PIAS1: variants seen among roughly 807,000 people sequenced by gnomAD.
The protein encoded by PIAS1 is E3 SUMO-protein ligase PIAS1.
In PIAS1, 6 loss-of-function variants were observed where a neutral mutation model predicts 71.3. That is an observed-to-expected ratio of 0.08 (90% CI 0.05 to 0.17). The LOEUF is 0.17. PIAS1 is among the 10% of genes least tolerant of loss of function. The pLI is 1.00. For missense variants in PIAS1, 555 were observed against 793.6 expected (o/e 0.70, Z 3.61); for synonymous variants, 303 against 292.9 (o/e 1.03, Z -0.35).
chr15:68,079,044 CTTT>C (rs34874800), intron 1 of PIAS1, among the ~76,000 whole-genome samples: 51 of 143,368 alleles, frequency 3.6e-4, no homozygotes, highest in South Asian at 1.1e-3. Context: ...GTTAATCCCT[CTTT>C]TTTTTTTTTT....
chr15:68,090,925 C>T (rs932514306), intron 2 of PIAS1, among the ~76,000 whole-genome samples: 3 of 73,862 alleles, frequency 4.1e-5, no homozygotes, highest in African/African-American at 8.8e-5. Flanking sequence ...TAGTCATTTA[C>T]GGGTGTGTGT....
At chr15:68,158,075 A>G (rs764872507) in intron 7 of PIAS1, among the ~76,000 whole-genome samples, 1 of 152,294 alleles carries the variant, frequency 6.6e-6, no homozygotes, top group South Asian at 2.1e-4. Context: ...CAGATCTAAA[A>G]TCTTACCATT....
In PIAS1 at chr15:68,187,561, T is replaced by C; in HGVS notation, c.1682T>C (p.Leu561Pro). The change falls in exon 14 of 14, where the codon CTT becomes CCT. Residue 561 changes from leucine (L) to proline (P), a missense_variant. Coordinates refer to ENST00000249636, the MANE Select transcript of PIAS1 (RefSeq NM_016166.3). The surrounding 1 kb of genome is among the most constrained non-coding windows in gnomAD (Gnocchi z 5.3). ...CCCTAGCATTACAACACCTCCTTGC[T>C]TGCCGCTGCAGCAGCAGCAGTTTCA... Reference protein sequence around the residue: ...GDNQHYNTSLLAAAAAAVSDD... With the variant: ...GDNQHYNTSLPAAAAAAVSDD... The C allele has an allele frequency of 6.2e-7, 1 of 1,613,800 alleles. No homozygotes were observed. The highest frequency in any genetic ancestry group is 8.5e-7 in the Non-Finnish European group (1 of 1,179,672).
In PIAS1 at chr15:68,191,808, T is replaced by A. The variant is rs947259863; in HGVS notation, c.*3973T>A. The A allele has an allele frequency of 6.6e-6, 1 of 152,152 alleles. No homozygotes were observed. The highest frequency in any genetic ancestry group is 1.5e-5 in the Non-Finnish European group (1 of 68,034). The allele number at this position is 152,152 out of a possible 1,614,324, so 9.4% of individuals were successfully genotyped here. On this transcript the variant is annotated 3_prime_UTR_variant, in exon 14 of 14. Transcript: ENST00000249636. Reference sequence around the variant, plus strand: ...CTTGAAACCAGGACCAGGAGTAAGGTAACAGCCCTTCCTCGGGTAGAGGTT... The same window carrying A: ...CTTGAAACCAGGACCAGGAGTAAGGAAACAGCCCTTCCTCGGGTAGAGGTT...
chr15:68,187,782 A>G lies in PIAS1; in HGVS notation c.1903A>G (p.Thr635Ala). The stretch of plus-strand genomic sequence containing the variant: ...CCACACCGTCACAAACAGGAGCAGC[A>G]CGGACACGGCATCCATCTTTGGCAT... ...HSHTVTNRSSTDTASIFGIIP... is the reference protein window; with the variant it reads ...HSHTVTNRSSADTASIFGIIP... The change falls in exon 14 of 14, where the codon ACG (threonine) becomes GCG (alanine). Residue 635 changes from threonine to alanine, a missense_variant. Physicochemically the swap from Thr to Ala is moderately conservative, Grantham distance 58 (BLOSUM62 0). Transcript: ENST00000249636. The surrounding 1 kb of genome is among the most constrained non-coding windows in gnomAD (Gnocchi z 5.3). The G allele has an allele frequency of 1.2e-6, 2 of 1,613,996 alleles. No homozygotes were observed. Among genetic ancestry groups the G allele is most frequent in the African/African-American group, 1.3e-5 (1 of 75,050 alleles).
In PIAS1 at chr15:68,086,546, T is replaced by G; in HGVS notation, c.265T>G (p.Leu89Val). ...ACATTCAAGTCCTATGCCAGCAACT[T>G]TGTCTCCATCTACCATTCCACAACT... ...NVHSSPMPAT[L>V]SPSTIPQLTY... is the part of the protein sequence containing the mutation. The change falls in exon 2 of 14, where the codon TTG (leucine) becomes GTG (valine). Residue 89 changes from leucine (L) to valine (V), a missense_variant. Around this residue, in one of 5 missense-constraint regions of PIAS1, gnomAD observed 80 missense variants for 66.9 expected, o/e 1.20. Coordinates refer to ENST00000249636, the MANE Select transcript of PIAS1 (RefSeq NM_016166.3). This position sits in a 1 kb window ranked among gnomAD's most constrained non-coding sequence, Gnocchi z 7.2. 3 of 1,613,926 alleles carry G rather than the reference T, an allele frequency of 1.9e-6. No homozygotes were observed. The highest frequency in any genetic ancestry group is 2.5e-6 in the Non-Finnish European group (3 of 1,179,864).
chr15:68,097,474 C>G (rs934276255), intron 2 of PIAS1, among the ~76,000 whole-genome samples: 2 of 151,836 alleles, frequency 1.3e-5, no homozygotes, highest in Non-Finnish European at 2.9e-5. Flanking sequence ...CTCTTGTCAC[C>G]CAGGCTGGAG....
intron 7 of PIAS1, among the ~76,000 whole-genome samples, chr15:68,157,821 T>C (rs573600400): frequency 7.9e-5 from 12 of 152,302 alleles, no homozygotes; most frequent in South Asian, 4.1e-4. Context: ...CTTATATAGC[T>C]AACTACCTTC....
chr15:68,185,339 T>G lies in PIAS1; in HGVS notation c.1662+1672T>G, dbSNP rs144321171. Among the ~76,000 whole-genome samples, 156 of 152,252 alleles carry G rather than the reference T, an allele frequency of 1.0e-3. 1 individual carries two copies. In the South Asian group the frequency reaches 0.011, roughly 11 times the overall value. On this transcript the variant is annotated intron_variant, in intron 13 of 13. Coordinates refer to ENST00000249636, the MANE Select transcript of PIAS1 (RefSeq NM_016166.3). The surrounding 1 kb of genome is among the most constrained non-coding windows in gnomAD (Gnocchi z 4.4). ...CTGATGTCACCAAGGAGTATGTGAA[T>G]GACATCTAGAAGACACTGAAGAAGT...
intron 1 of PIAS1, among the ~76,000 whole-genome samples, chr15:68,084,634 T>C (rs1239818772): frequency 1.3e-5 from 2 of 152,222 alleles, no homozygotes; most frequent in Non-Finnish European, 2.9e-5. Flanking sequence ...TCCCACCCTT[T>C]CTTCTGGTGT....
In PIAS1 at chr15:68,165,105, T is replaced by G. The variant is rs139805799; in HGVS notation, c.1008+301T>G. On this transcript the variant is annotated intron_variant, in intron 8 of 13. Coordinates refer to ENST00000249636, the MANE Select transcript of PIAS1 (RefSeq NM_016166.3). ...TTGTCTCAGTGTATTTATAAAAATT[T>G]TACATTATTTATTTTTATTATTGTT... Among the ~76,000 whole-genome samples the G allele has an allele frequency of 2.8e-4, 42 of 152,230 alleles. No homozygotes were observed. In the East Asian group the frequency reaches 6.9e-3, roughly 25 times the overall value.
At chr15:68,137,590 A>T (rs137943620) in intron 2 of PIAS1, among the ~76,000 whole-genome samples, 1 of 152,132 alleles carries the variant, frequency 6.6e-6, no homozygotes, top group Non-Finnish European at 1.5e-5. Flanking sequence ...TATGAGAGGA[A>T]CACGGACTTT....
chr15:68,064,682 C>CT (rs2091997863), intron 1 of PIAS1, among the ~76,000 whole-genome samples: 1 of 152,160 alleles, frequency 6.6e-6, no homozygotes. Flanking sequence ...TAAAAATACT[C>CT]TATTTTTTCC....
chr15:68,062,699 ATATTT>A (rs1215125748), intron 1 of PIAS1, among the ~76,000 whole-genome samples: 3 of 152,210 alleles, frequency 2.0e-5, no homozygotes, highest in African/African-American at 7.2e-5. Flanking sequence ...TGTCTGTATA[ATATTT>A]TTAATTTATT....
In PIAS1 at chr15:68,119,217, T is replaced by C. The variant is rs1415725170; in HGVS notation, c.470-22729T>C. Among the ~76,000 whole-genome samples the C allele has an allele frequency of 1.2e-4, 12 of 99,698 alleles. 1 individual carries two copies. The East Asian group carries it at 4.0e-3, about 33-fold the overall frequency. 65.4% of individuals were successfully genotyped at this position (99,698 alleles called of 152,430 possible). A position where few individuals can be genotyped will look rare whatever the true frequency, so the allele number is the denominator to read the frequency against. ...GAGTTTGAGACCAGCCTGGCCAACATGGTGAAACCCCATCTCTACCAAAAA... is the reference window on the plus strand; with the variant it reads ...GAGTTTGAGACCAGCCTGGCCAACACGGTGAAACCCCATCTCTACCAAAAA... On this transcript the variant is annotated intron_variant, in intron 2 of 13. Transcript: ENST00000249636.
In PIAS1 at chr15:68,189,471, A is replaced by G. The variant is rs1009949429; in HGVS notation, c.*1636A>G. The G allele has an allele frequency of 6.6e-6, 1 of 152,202 alleles. No homozygotes were observed. The highest frequency in any genetic ancestry group is 2.4e-5 in the African/African-American group (1 of 41,434). 9.4% of individuals were successfully genotyped at this position (152,202 alleles called of 1,614,324 possible). On this transcript the variant is annotated 3_prime_UTR_variant, in exon 14 of 14. Coordinates refer to ENST00000249636, the MANE Select transcript of PIAS1 (RefSeq NM_016166.3). ...CCTTGCATTGGTAACAAAATGATCA[A>G]CTTTAATCCAGGTAGAATTCAAGAT...
intron 2 of PIAS1, among the ~76,000 whole-genome samples, chr15:68,120,530 A>G (rs1255404202): frequency 6.6e-6 from 1 of 151,990 alleles, no homozygotes. Flanking sequence ...GTTTTGTAGT[A>G]TACGTCTTTA....
In PIAS1 at chr15:68,123,709, G is replaced by GT. The variant is rs2092629127; in HGVS notation, c.470-18236dup. On this transcript the variant is annotated intron_variant, in intron 2 of 13. Coordinates refer to ENST00000249636, the MANE Select transcript of PIAS1 (RefSeq NM_016166.3). ...ATTACTCAGAGCCACATCTAGAAAT[G>GT]TAAGTGAACTCACAGGAGTAGTACC... is the stretch of plus-strand genomic sequence containing the variant. Among the ~76,000 whole-genome samples the GT allele has an allele frequency of 2.6e-5, 4 of 152,274 alleles. No homozygotes were observed. The South Asian group carries it at 8.3e-4, about 32-fold the overall frequency.
intron 2 of PIAS1, among the ~76,000 whole-genome samples, chr15:68,132,969 T>A (rs1595752008): frequency 6.6e-6 from 1 of 151,836 alleles, no homozygotes; most frequent in Non-Finnish European, 1.5e-5. Flanking sequence ...ATCCTTCTGG[T>A]TTTCTTTTCT....
Sources: gnomAD v4.1 joint callset for allele counts (sites outside exome capture counted in the v4.1 genomes callset) on GRCh38, gnomAD v4.1.1 for gene constraint, gnomAD v4.1.1 regional missense constraint, Gnocchi (gnomAD v3.1) non-coding constraint, MANE v1.5 for transcripts, NCBI Gene and HGNC (gene_info 2026-07-23, HGNC 2026-07-21) for gene names.